PTPRJ: variants seen among roughly 807,000 people sequenced by gnomAD.
PTPRJ encodes the protein receptor-type tyrosine-protein phosphatase eta.
In PTPRJ, 129 loss-of-function variants were observed where a neutral mutation model predicts 141.3. The ratio of observed to expected loss-of-function variants is 0.91; its 90% CI spans 0.79 to 1.06. The LOEUF (loss-of-function observed/expected upper bound fraction) is 1.06. PTPRJ is among the 50% of genes least tolerant of loss of function. The pLI, the probability that PTPRJ is intolerant of heterozygous loss-of-function variation, is 0.00. For missense variants in PTPRJ, 1,601 were observed against 1,679.7 expected, an observed-to-expected ratio of 0.95 and a Z score of 0.82; for synonymous variants, 610 against 640.5, an observed-to-expected ratio of 0.95 and a Z score of 0.72.
intron 24 of PTPRJ, among the ~76,000 whole-genome samples, chr11:48,166,336 T>C (rs1467489055): frequency 6.6e-6 from 1 of 151,146 alleles, no homozygotes; most frequent in Admixed American, 6.6e-5. Flanking sequence ...TTTTTTGAGA[T>C]GGAGTCTTGC....
At position 48,142,899 on chromosome 11, in the gene PTPRJ, T is replaced by A; in HGVS notation, c.2444-20T>A. 6.2e-7 allele frequency: 1 copy of A among 1,605,020 alleles called. No homozygotes were observed. The highest frequency in any genetic ancestry group is 8.5e-7 in the Non-Finnish European group (1 of 1,175,460). ...GGTTTTCAATATTGGGTGATCATGTTTTGTTTTGTTTTGTTTTAGATCCCC... is the reference window on the plus strand; with the variant it reads ...GGTTTTCAATATTGGGTGATCATGTATTGTTTTGTTTTGTTTTAGATCCCC... On this transcript the variant is annotated intron_variant, in intron 11 of 24. Transcript: ENST00000418331.
At chr11:48,127,269 T>G (rs765641009) in intron 6 of PTPRJ, among the ~76,000 whole-genome samples, 10 of 152,184 alleles carry the variant, frequency 6.6e-5, no homozygotes, top group Non-Finnish European at 1.2e-4. Context: ...CGGGTTATCT[T>G]TTCTTGAGGT....
chr11:48,042,608 A>G (rs1854295931), intron 1 of PTPRJ, among the ~76,000 whole-genome samples: 2 of 151,704 alleles, frequency 1.3e-5, no homozygotes, highest in Non-Finnish European at 2.9e-5. Flanking sequence ...CCTCCCCTCC[A>G]CTCTTCTAAA....
At chr11:48,066,554 GTATTATTATTAT>G (rs58097315) in intron 1 of PTPRJ, among the ~76,000 whole-genome samples, 3,088 of 133,834 alleles carry the variant, frequency 0.023, 109 homozygotes, top group African/African-American at 0.072. Context: ...TTATCCAGTC[GTATTATTATTAT>G]TATTATTATT....
At chr11:48,066,816 C>G (rs1855096879) in intron 1 of PTPRJ, among the ~76,000 whole-genome samples, 1 of 151,986 alleles carries the variant, frequency 6.6e-6, no homozygotes, top group Admixed American at 6.6e-5. Flanking sequence ...GAACTCCTGA[C>G]CTCAGGTGAT....
At chr11:48,005,956 A>C (rs941417031) in intron 1 of PTPRJ, among the ~76,000 whole-genome samples, 1 of 152,264 alleles carries the variant, frequency 6.6e-6, no homozygotes, top group African/African-American at 2.4e-5. Context: ...GCCAGCTTGC[A>C]GCCACCTGCC....
At chr11:48,061,634 T>A (rs1212610616) in intron 1 of PTPRJ, among the ~76,000 whole-genome samples, 3 of 152,150 alleles carry the variant, frequency 2.0e-5, no homozygotes, top group Admixed American at 6.5e-5. Flanking sequence ...GGCACCAGCA[T>A]TTGCTCTCAC....
chr11:48,075,688 C>T (rs1278843150), intron 1 of PTPRJ, among the ~76,000 whole-genome samples: 1 of 152,178 alleles, frequency 6.6e-6, no homozygotes, highest in Non-Finnish European at 1.5e-5. Flanking sequence ...CCATCTTGGC[C>T]TCCCAGAGTG....
chr11:48,124,126 A>G (rs1324702223), intron 5 of PTPRJ, among the ~76,000 whole-genome samples: 1 of 152,224 alleles, frequency 6.6e-6, no homozygotes, highest in Admixed American at 6.5e-5. Flanking sequence ...CAGGAAAGTT[A>G]GAGGCCCCTT....
rs376872364 is a variant in PTPRJ at position 48,166,027 on chromosome 11, AT to A, written c.3856-1167del. On this transcript the variant is annotated intron_variant, in intron 24 of 24. Coordinates refer to ENST00000418331, the MANE Select transcript of PTPRJ (RefSeq NM_002843.4). The stretch of plus-strand genomic sequence containing the variant: ...AGGCGTGTGCCACCATGCCCAGCTA[AT>A]TTTTTTTTTGTATTTTAGTAGAGAT... Among the ~76,000 whole-genome samples, 609 of 147,212 alleles carry A rather than the reference AT, an allele frequency of 4.1e-3. 2 individuals carry two copies. The highest frequency in any genetic ancestry group is 4.0e-3 in the Non-Finnish European group (266 of 66,346).
intron 1 of PTPRJ, among the ~76,000 whole-genome samples, chr11:48,097,990 TC>T (rs1477278501): frequency 2.0e-5 from 3 of 152,166 alleles, no homozygotes; most frequent in African/African-American, 7.2e-5. Flanking sequence ...GAGTTTCAGA[TC>T]CAGGTGTTCT....
chr11:48,010,734 TC>T (rs1854762328), intron 1 of PTPRJ, among the ~76,000 whole-genome samples: 1 of 146,348 alleles, frequency 6.8e-6, no homozygotes, highest in Non-Finnish European at 1.5e-5. Flanking sequence ...TGAGGTTTCA[TC>T]ATGTTGGCCA....
rs79690725 is a variant in PTPRJ at position 48,159,369 on chromosome 11, G to T, written c.3439-561G>T. ...TCCTCATTTCTTCCAGCTGTCTGGGGTTATGGGAGAAGATGAGGTCAGTGA... is the reference window on the plus strand; with the variant it reads ...TCCTCATTTCTTCCAGCTGTCTGGGTTTATGGGAGAAGATGAGGTCAGTGA... On this transcript the variant is annotated intron_variant, in intron 21 of 24. Coordinates refer to ENST00000418331, the MANE Select transcript of PTPRJ (RefSeq NM_002843.4). Among the ~76,000 whole-genome samples, 1,497 of 152,276 alleles carry T rather than the reference G, an allele frequency of 9.8e-3. 9 individuals are homozygous for T. Among genetic ancestry groups the T allele is most frequent in the Non-Finnish European group, 0.017 (1,141 of 68,016 alleles).
chr11:48,163,608 G>T lies in PTPRJ; in HGVS notation c.3709G>T (p.Val1237Leu), dbSNP rs1269803183. 1 of 1,613,226 alleles carries T rather than the reference G, an allele frequency of 6.2e-7. No homozygotes were observed. The highest frequency in any genetic ancestry group is 8.5e-7 in the Non-Finnish European group (1 of 1,179,284). ...GAGTCCTCCCGAATCGCCGATTCTG[G>T]TGCATTGCAGGTACGCAGATGGCAC... Reference protein sequence around the residue: ...KQSPPESPILVHCSAGVGRTG... With the variant: ...KQSPPESPILLHCSAGVGRTG... The change falls in exon 23 of 25, where the codon GTG becomes TTG. Residue 1237 changes from valine (V) to leucine (L), a missense_variant. Physicochemically the swap from Val to Leu is conservative, Grantham distance 32. Transcript: ENST00000418331.
At chr11:48,041,875 A>AGT (rs1226389486) in intron 1 of PTPRJ, among the ~76,000 whole-genome samples, 1 of 149,774 alleles carries the variant, frequency 6.7e-6, no homozygotes, top group Non-Finnish European at 1.5e-5. Flanking sequence ...AGCCTCCCAA[A>AGT]GTGTTGGGAT....
intron 1 of PTPRJ, among the ~76,000 whole-genome samples, chr11:48,065,030 T>C: frequency 7.0e-6 from 1 of 143,424 alleles, no homozygotes; most frequent in Non-Finnish European, 1.5e-5. Context: ...TTTTTTTTTT[T>C]TGAGACAGAG....
Position 48,144,991 on chromosome 11 carries a change from A to G in PTPRJ, c.2787-9A>G. The G allele has an allele frequency of 6.2e-7, 1 of 1,614,078 alleles. No homozygotes were observed. Among genetic ancestry groups the G allele is most frequent in the Non-Finnish European group, 8.5e-7 (1 of 1,179,994 alleles). On this transcript the variant is annotated splice_polypyrimidine_tract_variant and intron_variant, in intron 13 of 24. Coordinates refer to ENST00000418331, the MANE Select transcript of PTPRJ (RefSeq NM_002843.4). Reference sequence around the variant, plus strand: ...CAGGGACCTCTTTTTGCTCTTTGTTATCCCACAGGGCTTGTGTGGCTGGCT... The same window carrying G: ...CAGGGACCTCTTTTTGCTCTTTGTTGTCCCACAGGGCTTGTGTGGCTGGCT...
intron 1 of PTPRJ, among the ~76,000 whole-genome samples, chr11:48,095,577 T>C (rs1855980858): frequency 7.4e-6 from 1 of 136,018 alleles, no homozygotes; most frequent in South Asian, 2.5e-4. Context: ...ATCAAACATA[T>C]ACTTTTTTTT....
At chr11:48,154,609 A>G (rs1268301974) in intron 19 of PTPRJ, among the ~76,000 whole-genome samples, 1 of 152,220 alleles carries the variant, frequency 6.6e-6, no homozygotes, top group Non-Finnish European at 1.5e-5. Context: ...GCTGAAATTG[A>G]TAGACTTTGC....
Sources: gnomAD v4.1 joint callset for allele counts (sites outside exome capture counted in the v4.1 genomes callset) on GRCh38, gnomAD v4.1.1 for gene constraint, MANE v1.5 for transcripts, NCBI Gene and HGNC (gene_info 2026-07-23, HGNC 2026-07-21) for gene names.